The following ATP6V1H variants were observed in gnomAD, a reference collection of about 807,000 sequenced individuals.
ATP6V1H encodes the protein ATPase H+ transporting V1 subunit H, also known as V-type proton ATPase subunit H.
Under a neutral mutation model 71.7 loss-of-function variants are expected in ATP6V1H, and 39 were observed. That is an observed-to-expected ratio of 0.54 (90% confidence interval 0.42 to 0.71). The LOEUF is 0.71. Ranked by LOEUF, ATP6V1H falls within the 30% of genes least tolerant of loss-of-function variation. The pLI is 0.00. For synonymous variants in ATP6V1H, 192 were observed against 199.3 expected (o/e 0.96, Z 0.31); for missense variants, 509 against 594.9 (o/e 0.86, Z 1.50).
At chr8:53,783,326 G>C (rs923917962) in intron 9 of ATP6V1H, among the ~76,000 whole-genome samples, 2 of 152,166 alleles carry the variant, frequency 1.3e-5, no homozygotes, top group African/African-American at 4.8e-5. Context: ...TAGTTTATTT[G>C]CATAGAGGTG....
chr8:53,837,312 T>G (rs1811188915), intron 2 of ATP6V1H, among the ~76,000 whole-genome samples: 1 of 152,198 alleles, frequency 6.6e-6, no homozygotes, highest in African/African-American at 2.4e-5. Context: ...TTTAGTCAAC[T>G]AATATTAACT....
At chr8:53,822,680 G>A (rs1291857954) in intron 4 of ATP6V1H, among the ~76,000 whole-genome samples, 1 of 151,798 alleles carries the variant, frequency 6.6e-6, no homozygotes, top group East Asian at 1.9e-4. Context: ...TCATAAATGT[G>A]GATGGTTTAA....
intron 12 of ATP6V1H, among the ~76,000 whole-genome samples, chr8:53,744,558 T>C (rs1409303235): frequency 6.6e-6 from 1 of 152,172 alleles, no homozygotes; most frequent in Non-Finnish European, 1.5e-5. Flanking sequence ...GGCACCTTAA[T>C]GCAGTACAGT....
At chr8:53,832,169 T>A (rs2130526751) in intron 3 of ATP6V1H, 1 of 152,216 alleles carries the variant, frequency 6.6e-6, no homozygotes, top group East Asian at 1.9e-4. Flanking sequence ...TATGTACATA[T>A]CACCCCTTTT....
intron 9 of ATP6V1H, among the ~76,000 whole-genome samples, chr8:53,778,212 T>C (rs1808963472): frequency 6.6e-6 from 1 of 152,210 alleles, no homozygotes; most frequent in Non-Finnish European, 1.5e-5. Flanking sequence ...TATTAATATA[T>C]AACAGATGGA....
At chr8:53,831,498 T>A (rs887912075) in intron 3 of ATP6V1H, among the ~76,000 whole-genome samples, 10 of 152,182 alleles carry the variant, frequency 6.6e-5, no homozygotes, top group African/African-American at 2.4e-4. Context: ...ATAGAAGCAA[T>A]CGATATGGAT....
At chr8:53,738,133 T>C (rs77280564) in intron 13 of ATP6V1H, among the ~76,000 whole-genome samples, 19,214 of 152,024 alleles carry the variant, frequency 0.13, 1,844 homozygotes, top group East Asian at 0.37. Context: ...TCATCTCTAC[T>C]AAAAATATAA....
rs1386445672 is a variant in ATP6V1H at position 53,801,878 on chromosome 8, A to G, written c.598T>C (p.Cys200Arg). 1.9e-6 allele frequency: 3 copies of G among 1,613,906 alleles called. No homozygotes were observed. The highest frequency in any genetic ancestry group is 2.5e-6 in the Non-Finnish European group (3 of 1,179,900). Residue 200 changes from cysteine to arginine, a missense_variant, in exon 8 of 14, where the codon TGC becomes CGC. This residue lies in a region of ATP6V1H where 297 missense variants were observed against 303.3 expected (regional missense o/e 0.98). Coordinates refer to ENST00000359530, the MANE Select transcript of ATP6V1H (RefSeq NM_015941.4). ...SSSDSSQYVQ[C>R]VAGCLQLMLR... is the part of the protein sequence containing the mutation. ...ATCAGCTGCAAACACCCGGCCACGCACTGCACATACTGCGAACTCTGCACA... is the reference window on the plus strand; with the variant it reads ...ATCAGCTGCAAACACCCGGCCACGCGCTGCACATACTGCGAACTCTGCACA...
chr8:53,831,621 G>T (rs1463823360), intron 3 of ATP6V1H, among the ~76,000 whole-genome samples: 1 of 152,238 alleles, frequency 6.6e-6, no homozygotes. Flanking sequence ...GGGGGTGCTG[G>T]AGCAGGGGCA....
chr8:53,797,767 G>A (rs1458073154), intron 8 of ATP6V1H, among the ~76,000 whole-genome samples: 1 of 152,034 alleles, frequency 6.6e-6, no homozygotes, highest in South Asian at 2.1e-4. Flanking sequence ...TGGGAGGCCA[G>A]GGTGGGCGGA....
chr8:53,806,753 C>A, intron 7 of ATP6V1H: 1 of 420,514 alleles, frequency 2.4e-6, no homozygotes, highest in Admixed American at 2.8e-5. Flanking sequence ...AGTTAATTTT[C>A]TTTTGCATTT....
In ATP6V1H at chr8:53,745,534, T is replaced by C. The variant is rs560927871; in HGVS notation, c.1278-1844A>G. On this transcript the variant is annotated intron_variant, in intron 12 of 13. Coordinates refer to ENST00000359530, the MANE Select transcript of ATP6V1H (RefSeq NM_015941.4). ...CAGGCTGCTTGTTCTCTAGACTGCCTCTGAGGCCTGAGCTAGCAGCCAACA... is the reference window on the plus strand; with the variant it reads ...CAGGCTGCTTGTTCTCTAGACTGCCCCTGAGGCCTGAGCTAGCAGCCAACA... Among the ~76,000 whole-genome samples, 26 of 152,302 alleles carry C rather than the reference T, an allele frequency of 1.7e-4. No homozygotes were observed. In the South Asian group the frequency reaches 5.2e-3, roughly 30 times the overall value.
intron 2 of ATP6V1H, among the ~76,000 whole-genome samples, chr8:53,835,242 G>A (rs1811120947): frequency 6.6e-6 from 1 of 152,200 alleles, no homozygotes; most frequent in Non-Finnish European, 1.5e-5. Flanking sequence ...GAAGATTCAT[G>A]TACAAGTGAT....
chr8:53,771,480 C>G (rs1198044496), intron 10 of ATP6V1H, among the ~76,000 whole-genome samples: 5 of 151,894 alleles, frequency 3.3e-5, no homozygotes, highest in Non-Finnish European at 7.4e-5. Flanking sequence ...CACAAGAGAC[C>G]CGAGGGAGAG....
chr8:53,751,307 G>GT (rs562791206), intron 12 of ATP6V1H, among the ~76,000 whole-genome samples: 26 of 152,344 alleles, frequency 1.7e-4, no homozygotes, highest in Middle Eastern at 6.8e-3. Flanking sequence ...ACTGGAAGCA[G>GT]TTTTTTGAAC....
intron 13 of ATP6V1H, among the ~76,000 whole-genome samples, chr8:53,729,673 T>A (rs920553399): frequency 2.0e-5 from 3 of 152,156 alleles, no homozygotes; most frequent in African/African-American, 7.2e-5. Context: ...GATATTACAT[T>A]CCCGGCATAT....
At chr8:53,735,688 T>C (rs1383330569) in intron 13 of ATP6V1H, among the ~76,000 whole-genome samples, 2 of 152,162 alleles carry the variant, frequency 1.3e-5, no homozygotes, top group African/African-American at 4.8e-5. Context: ...GCTTCAGGAA[T>C]AGCCATACAA....
At chr8:53,723,488 T>C (rs758072148) in intron 13 of ATP6V1H, among the ~76,000 whole-genome samples, 2 of 152,224 alleles carry the variant, frequency 1.3e-5, no homozygotes, top group Non-Finnish European at 2.9e-5. Flanking sequence ...GACACTGTTA[T>C]TTTACCCCTC....
In ATP6V1H at chr8:53,829,494, T is replaced by C; in HGVS notation, c.256A>G (p.Lys86Glu). Residue 86 changes from lysine (K) to glutamate (E), a missense_variant, in exon 4 of 14, where the codon AAA becomes GAA. Transcript: ENST00000359530. ...AGTATATACTGAACGGTCTGTTCTT[T>C]GCAGATATGAGTCATCAGATTTATA... ...TFINLMTHIC[K>E]EQTVQYILTM... The C allele has an allele frequency of 1.2e-6, 2 of 1,602,256 alleles. No individual in the cohort carries two copies. Among genetic ancestry groups the C allele is most frequent in the Non-Finnish European group, 1.7e-6 (2 of 1,175,988 alleles).
Sources: allele counts gnomAD v4.1 joint callset (sites outside exome capture counted in the v4.1 genomes callset), GRCh38; gene constraint gnomAD v4.1.1; regional missense constraint gnomAD v4.1.1; transcripts MANE v1.5; gene names NCBI Gene and HGNC (gene_info 2026-07-23, HGNC 2026-07-21).